The following NFIB variants were observed in gnomAD, a reference collection of about 807,000 sequenced individuals.
NFIB encodes nuclear factor 1 B-type.
In NFIB, 11 loss-of-function variants were observed where a neutral mutation model predicts 61.5. That is an observed-to-expected ratio of 0.18 (90% CI 0.11 to 0.30). NFIB has a LOEUF of 0.30. Ranked by LOEUF, NFIB falls within the 10% of genes least tolerant of loss-of-function variation. NFIB has a pLI of 1.00. For missense variants in NFIB, 471 were observed against 608.9 expected, an observed-to-expected ratio of 0.77 and a Z score of 2.38; for synonymous variants, 260 against 216.5, an observed-to-expected ratio of 1.20 and a Z score of -1.76.
intron 1 of NFIB, among the ~76,000 whole-genome samples, chr9:14,354,780 C>CTGTG (rs67877825): frequency 0.055 from 8,018 of 145,788 alleles, 279 homozygotes; most frequent in African/African-American, 0.094. Context: ...AATGGGTACT[C>CTGTG]TGTGTGTGTG....
the NFIB span, among the ~76,000 whole-genome samples, chr9:14,440,777 C>G: frequency 1.3e-5 from 2 of 152,196 alleles, no homozygotes; most frequent in African/African-American, 4.8e-5. Context: ...ATGTTTCATT[C>G]TGCTTTGTTC....
intron 1 of NFIB, among the ~76,000 whole-genome samples, chr9:14,385,652 C>A (rs778651950): frequency 6.6e-6 from 1 of 152,118 alleles, no homozygotes; most frequent in Non-Finnish European, 1.5e-5. Context: ...AGGTATACAG[C>A]CTTCTTGCCA....
At chr9:14,403,211 T>C (rs1166851508), upstream of NFIB, among the ~76,000 whole-genome samples, 2 of 152,234 alleles carry the variant, frequency 1.3e-5, no homozygotes, top group Non-Finnish European at 2.9e-5. Flanking sequence ...CATCTACGGC[T>C]ATGAAACGAT....
the NFIB span, among the ~76,000 whole-genome samples, chr9:14,499,528 G>A: frequency 5.3e-5 from 8 of 152,284 alleles, no homozygotes; most frequent in East Asian, 1.2e-3. Flanking sequence ...CCCTAACATT[G>A]TGTGCTGCCT....
intron 1 of NFIB, among the ~76,000 whole-genome samples, chr9:14,367,573 G>A (rs1357045642): frequency 1.3e-5 from 2 of 152,084 alleles, no homozygotes; most frequent in East Asian, 3.9e-4. Flanking sequence ...AAATGCTGAG[G>A]GGGTTTAAGC....
chr9:14,191,346 T>TA (rs903640795), intron 2 of NFIB, among the ~76,000 whole-genome samples: 8 of 151,004 alleles, frequency 5.3e-5, no homozygotes, highest in African/African-American at 1.2e-4. Context: ...TAAACAAAAA[T>TA]AAAAAAAATA....
Position 14,084,139 on chromosome 9 carries a change from G to A in NFIB, c.*4170C>T. On this transcript the variant is annotated 3_prime_UTR_variant, in exon 11 of 11. Coordinates refer to ENST00000380953, the MANE Select transcript of NFIB (RefSeq NM_001190737.2). ...TGTGAAATAACTCCTAACATGGACAGATTTTCTTTTTAATACATAACTTAA... is the reference window on the plus strand; with the variant it reads ...TGTGAAATAACTCCTAACATGGACAAATTTTCTTTTTAATACATAACTTAA... 1 of 203,296 alleles carries A rather than the reference G, an allele frequency of 4.9e-6. No individual in the cohort carries two copies. Among genetic ancestry groups the A allele is most frequent in the Non-Finnish European group, 1.0e-5 (1 of 98,948 alleles). The allele number at this position is 203,296 out of a possible 1,614,324, so 12.6% of individuals were successfully genotyped here.
chr9:14,249,797 C>T (rs540817807), intron 2 of NFIB, among the ~76,000 whole-genome samples: 17 of 152,132 alleles, frequency 1.1e-4, no homozygotes, highest in Admixed American at 1.1e-3. Context: ...TTCCACAACC[C>T]CTTCACCACC....
At chr9:14,445,255 A>G in the NFIB span, among the ~76,000 whole-genome samples, 32 of 152,258 alleles carry the variant, frequency 2.1e-4, no homozygotes, top group Non-Finnish European at 4.0e-4. Flanking sequence ...ATAATCATAC[A>G]TATCATTGCA....
At chr9:14,522,920 C>T in the NFIB span, among the ~76,000 whole-genome samples, 1 of 152,174 alleles carries the variant, frequency 6.6e-6, no homozygotes, top group Admixed American at 6.5e-5. Flanking sequence ...GCTCCTGGTT[C>T]TAACAGTGAC....
chr9:14,296,352 G>C (rs1022381303), intron 2 of NFIB, among the ~76,000 whole-genome samples: 2 of 152,236 alleles, frequency 1.3e-5, no homozygotes, highest in African/African-American at 4.8e-5. Context: ...TGGAGCTGAA[G>C]TGACTTGACC....
Position 14,306,262 on chromosome 9 carries a change from C to T in NFIB, c.562+727G>A, listed in dbSNP as rs554071512. ...TAAGCAGCGCTGCGACTTTCCTCCT[C>T]GGTAAGTTTTATGAATTTACATACA... On this transcript the variant is annotated intron_variant, in intron 2 of 10. Coordinates refer to ENST00000380953, the MANE Select transcript of NFIB (RefSeq NM_001190737.2). Among the ~76,000 whole-genome samples, 19 of 152,170 alleles carry T rather than the reference C, an allele frequency of 1.2e-4. No individual in the cohort carries two copies. The East Asian group carries it at 3.5e-3, about 28-fold the overall frequency.
upstream of NFIB, among the ~76,000 whole-genome samples, chr9:14,316,799 T>C (rs2060553361): frequency 6.6e-6 from 1 of 152,184 alleles, no homozygotes; most frequent in Non-Finnish European, 1.5e-5. Context: ...GAAGCTCTAC[T>C]GATAATACCA....
intron 9 of NFIB, among the ~76,000 whole-genome samples, chr9:14,115,863 G>A (rs985304995): frequency 5.3e-5 from 8 of 152,160 alleles, no homozygotes; most frequent in Non-Finnish European, 1.0e-4. Flanking sequence ...TGGGTGATAC[G>A]AAAACTTTGT....
chr9:14,209,692 C>T (rs549412248), intron 2 of NFIB, among the ~76,000 whole-genome samples: 1 of 152,194 alleles, frequency 6.6e-6, no homozygotes, highest in Non-Finnish European at 1.5e-5. Flanking sequence ...ATGCATCCTA[C>T]CACAACCCAA....
At chr9:14,134,287 C>T (rs532035354) in intron 6 of NFIB, among the ~76,000 whole-genome samples, 1 of 152,192 alleles carries the variant, frequency 6.6e-6, no homozygotes, top group East Asian at 1.9e-4. Flanking sequence ...CCAATATTTA[C>T]CAAAAGCCTT....
chr9:14,334,712 G>C (rs1195778269), intron 1 of NFIB, among the ~76,000 whole-genome samples: 2 of 151,994 alleles, frequency 1.3e-5, no homozygotes, highest in African/African-American at 4.8e-5. Context: ...ACAATAAACT[G>C]CACATGTTTA....
chr9:14,096,460 G>A (rs1479598348), intron 10 of NFIB: 2 of 152,160 alleles, frequency 1.3e-5, no homozygotes, highest in Admixed American at 1.3e-4. Flanking sequence ...ACGGAAAAAA[G>A]TTGTTTTCTT....
intron 2 of NFIB, among the ~76,000 whole-genome samples, chr9:14,236,588 C>T (rs2053769926): frequency 6.6e-6 from 1 of 152,202 alleles, no homozygotes; most frequent in South Asian, 2.1e-4. Flanking sequence ...AGAGGGAAGT[C>T]ACTATCCTCT....
Sources: gnomAD v4.1 joint callset for allele counts (sites outside exome capture counted in the v4.1 genomes callset) on GRCh38, gnomAD v4.1.1 for gene constraint, MANE v1.5 for transcripts, NCBI Gene and HGNC (gene_info 2026-07-23, HGNC 2026-07-21) for gene names.